DGLUCY: variants seen among roughly 807,000 people sequenced by gnomAD.
The protein encoded by DGLUCY is D-glutamate cyclase.
In DGLUCY, 58 loss-of-function variants were observed where a neutral mutation model predicts 58.5. That is an observed-to-expected ratio of 0.99 (90% CI 0.80 to 1.23). The LOEUF (loss-of-function observed/expected upper bound fraction) is 1.23. Among genes scored for constraint, DGLUCY ranks in the 50% most tolerant of loss-of-function variants. The pLI, the probability that DGLUCY is intolerant of heterozygous loss-of-function variation, is 0.00. For missense variants in DGLUCY, 779 were observed against 784.7 expected (o/e 0.99, Z 0.09); for synonymous variants, 325 against 314.1 (o/e 1.03, Z -0.37).
At chr14:91,073,646 T>C (rs954732861) in intron 1 of DGLUCY, among the ~76,000 whole-genome samples, 3 of 151,914 alleles carry the variant, frequency 2.0e-5, no homozygotes, top group African/African-American at 7.3e-5. Flanking sequence ...TGCAAAAGGG[T>C]TATCTGGTTG....
At chr14:91,116,561 C>T (rs1214512245) in intron 1 of DGLUCY, among the ~76,000 whole-genome samples, 1 of 152,142 alleles carries the variant, frequency 6.6e-6, no homozygotes, top group East Asian at 1.9e-4. Flanking sequence ...GGGCCTCAAA[C>T]CAGACCCCGA....
chr14:91,221,643 C>T (rs1380990798), intron 13 of DGLUCY, among the ~76,000 whole-genome samples: 1 of 152,048 alleles, frequency 6.6e-6, no homozygotes. Flanking sequence ...AGGATGAATG[C>T]TTTGATGGAT....
intron 8 of DGLUCY, among the ~76,000 whole-genome samples, chr14:91,188,297 TGGC>T (rs1376602933): frequency 6.6e-6 from 1 of 151,902 alleles, no homozygotes; most frequent in Non-Finnish European, 1.5e-5. Context: ...GGCCCAGAGG[TGGC>T]ATGCGTCACT....
At chr14:91,099,519 A>T (rs1260172025) in intron 1 of DGLUCY, among the ~76,000 whole-genome samples, 6 of 108,460 alleles carry the variant, frequency 5.5e-5, no homozygotes, top group South Asian at 3.5e-4. Context: ...GGCGACAGAG[A>T]CCCAATCTCA....
At chr14:91,082,422 T>G (rs967927036) in intron 1 of DGLUCY, among the ~76,000 whole-genome samples, 2 of 152,234 alleles carry the variant, frequency 1.3e-5, no homozygotes, top group Admixed American at 1.3e-4. Context: ...AGCTTATTAT[T>G]GTGATTACTT....
At position 91,153,286 on chromosome 14, in the gene DGLUCY, G is replaced by A. The variant is rs546241565; in HGVS notation, c.-81-4353G>A. Among the ~76,000 whole-genome samples, 385 of 152,220 alleles carry A rather than the reference G, an allele frequency of 2.5e-3. 5 individuals carry two copies. The highest frequency in any genetic ancestry group is 9.0e-3 in the African/African-American group (374 of 41,524). ...CAACCTCTGCCTCCCTGGTTCAAGC[G>A]AGTCTCGTGCCTCAGCCTCCCCAGT... On this transcript the variant is annotated intron_variant, in intron 1 of 13. Transcript: ENST00000256324.
upstream of DGLUCY, among the ~76,000 whole-genome samples, chr14:91,106,706 CA>C (rs35463102): frequency 1.9e-4 from 26 of 139,136 alleles, no homozygotes; most frequent in African/African-American, 5.4e-4. Flanking sequence ...GACTCTGTCT[CA>C]AAAAAAAAAA....
At chr14:91,145,091 G>A (rs2046941048) in intron 1 of DGLUCY, 2 of 152,232 alleles carry the variant, frequency 1.3e-5, no homozygotes, top group Admixed American at 6.5e-5. Flanking sequence ...AAAATGTTCA[G>A]CGTGGGGGGT....
intron 10 of DGLUCY, among the ~76,000 whole-genome samples, chr14:91,197,028 G>T (rs1292551052): frequency 6.6e-6 from 1 of 152,088 alleles, no homozygotes; most frequent in Non-Finnish European, 1.5e-5. Flanking sequence ...GTGCAGTGGC[G>T]CGATCTCTGC....
chr14:91,068,232 C>T (rs938744646), intron 1 of DGLUCY, among the ~76,000 whole-genome samples: 3 of 152,186 alleles, frequency 2.0e-5, no homozygotes, highest in African/African-American at 4.8e-5. Flanking sequence ...ACCTTCCTAG[C>T]ATTGCAGATG....
intron 8 of DGLUCY, among the ~76,000 whole-genome samples, chr14:91,181,756 C>T (rs2049183588): frequency 6.6e-6 from 1 of 150,396 alleles, no homozygotes; most frequent in Non-Finnish European, 1.5e-5. Context: ...AAGTGATTCT[C>T]CTGTCTCAGC....
intron 1 of DGLUCY, among the ~76,000 whole-genome samples, chr14:91,157,122 GAT>G (rs2047676053): frequency 2.5e-5 from 3 of 121,868 alleles, no homozygotes; most frequent in Admixed American, 8.6e-5. Flanking sequence ...TGGATGGGTG[GAT>G]GGATGGATGG....
chr14:91,088,621 G>C (rs1380092991), intron 1 of DGLUCY, among the ~76,000 whole-genome samples: 1 of 152,192 alleles, frequency 6.6e-6, no homozygotes, highest in Non-Finnish European at 1.5e-5. Context: ...CAGAGATAGG[G>C]GTTGTGGTCA....
chr14:91,109,929 A>G (rs2044665050), upstream of DGLUCY, among the ~76,000 whole-genome samples: 1 of 152,186 alleles, frequency 6.6e-6, no homozygotes, highest in African/African-American at 2.4e-5. Flanking sequence ...TGGGAAAAAC[A>G]TCTTGAGTTC....
chr14:91,102,023 A>G (rs1350407691), intron 1 of DGLUCY, among the ~76,000 whole-genome samples: 1 of 108,742 alleles, frequency 9.2e-6, no homozygotes, highest in East Asian at 2.6e-4. Context: ...GCCAGAAGAG[A>G]ATAATTCAAA....
intron 1 of DGLUCY, among the ~76,000 whole-genome samples, chr14:91,154,123 C>T (rs372432979): frequency 2.0e-5 from 3 of 152,320 alleles, no homozygotes; most frequent in East Asian, 3.9e-4. Context: ...CCAGGCTGGT[C>T]TTGAGCTCCT....
chr14:91,209,643 G>A (rs1483191064), intron 12 of DGLUCY, among the ~76,000 whole-genome samples: 2 of 152,138 alleles, frequency 1.3e-5, no homozygotes, highest in Non-Finnish European at 2.9e-5. Flanking sequence ...GGGAGGCGGA[G>A]CTTGTAGTGA....
intron 1 of DGLUCY, among the ~76,000 whole-genome samples, chr14:91,138,603 T>C (rs187273011): frequency 1.7e-3 from 252 of 152,290 alleles, no homozygotes; most frequent in Non-Finnish European, 2.8e-3. Flanking sequence ...TTAAATTCAT[T>C]GCAGAAGGCA....
intron 1 of DGLUCY, among the ~76,000 whole-genome samples, chr14:91,139,341 C>T (rs1206589618): frequency 6.6e-6 from 1 of 152,152 alleles, no homozygotes; most frequent in Non-Finnish European, 1.5e-5. Context: ...CTTACTCAGT[C>T]TACTGATTCA....
Sources: allele counts gnomAD v4.1 joint callset (sites outside exome capture counted in the v4.1 genomes callset), GRCh38; gene constraint gnomAD v4.1.1; transcripts MANE v1.5; gene names NCBI Gene and HGNC (gene_info 2026-07-23, HGNC 2026-07-21).